Variants in PDE4D observed in about 807,000 individuals in gnomAD.
The protein encoded by PDE4D is phosphodiesterase 4D.
A neutral mutation model predicts 87.4 loss-of-function variants in PDE4D; 24 were observed. The observed-to-expected ratio is 0.27, with a 90% CI of 0.20 to 0.39. The LOEUF (loss-of-function observed/expected upper bound fraction) is 0.39, where lower values mean the gene tolerates loss of function less well. PDE4D is among the 10% of genes least tolerant of loss of function. The pLI is 1.00. For missense variants in PDE4D, 714 were observed against 1,041.0 expected, an observed-to-expected ratio of 0.69 and a Z score of 4.32; for synonymous variants, 384 against 383.2, an observed-to-expected ratio of 1.00 and a Z score of -0.02.
intron 5 of PDE4D, among the ~76,000 whole-genome samples, chr5:59,056,767 A>G (rs1762440372): frequency 6.6e-6 from 1 of 152,158 alleles, no homozygotes; most frequent in African/African-American, 2.4e-5. Context: ...CGTCCCTGCA[A>G]AGGACATAAA....
chr5:59,888,558 AT>A (rs1750497142), intron 1 of PDE4D, among the ~76,000 whole-genome samples: 1 of 152,172 alleles, frequency 6.6e-6, no homozygotes, highest in East Asian at 1.9e-4. Context: ...TTTTCCTTGC[AT>A]TTTTTGCTAT....
At chr5:60,353,945 C>T (rs1166903967) in intron 1 of PDE4D, among the ~76,000 whole-genome samples, 2 of 152,098 alleles carry the variant, frequency 1.3e-5, no homozygotes, top group Non-Finnish European at 2.9e-5. Flanking sequence ...CATATTTAAG[C>T]AGCTACTGCA....
At chr5:60,224,692 C>A (rs959610806) in intron 1 of PDE4D, among the ~76,000 whole-genome samples, 2 of 152,196 alleles carry the variant, frequency 1.3e-5, no homozygotes, top group Admixed American at 6.5e-5. Context: ...GTGAAAGCTG[C>A]AAAACTTCTT....
rs187105640 is a variant in PDE4D at position 59,296,919 on chromosome 5, G to A, written c.456-80951C>T. On this transcript the variant is annotated intron_variant, in intron 1 of 14. Transcript: ENST00000340635. ...ATGGAGTATTTTTCTCCTTAACTGAGTCATCCTGTGTCATTGTTAGGCACT... is the reference window on the plus strand; with the variant it reads ...ATGGAGTATTTTTCTCCTTAACTGAATCATCCTGTGTCATTGTTAGGCACT... 8.9e-4 allele frequency among the ~76,000 whole-genome samples: 136 copies of A among 152,266 alleles called. 1 individual carries two copies. The Middle Eastern group carries it at 0.017, about 19-fold the overall frequency.
intron 5 of PDE4D, among the ~76,000 whole-genome samples, chr5:59,142,870 T>G (rs949458123): frequency 9.2e-5 from 14 of 152,128 alleles, no homozygotes; most frequent in Non-Finnish European, 1.5e-4. Context: ...TGAGCCGAGA[T>G]CGTGCCACTG....
chr5:59,965,309 T>A (rs971036087), intron 3 of PDE4D, among the ~76,000 whole-genome samples: 12 of 152,274 alleles, frequency 7.9e-5, no homozygotes, highest in Non-Finnish European at 1.3e-4. Context: ...CTATATCTCA[T>A]CACTCCCCTT....
chr5:60,158,759 C>T (rs1170137850), intron 2 of PDE4D, among the ~76,000 whole-genome samples: 52 of 152,108 alleles, frequency 3.4e-4, no homozygotes, highest in African/African-American at 1.2e-3. Context: ...TTAGTAGAGA[C>T]GGGGTTTCAC....
At chr5:58,992,330 C>T (rs940653198) in intron 7 of PDE4D, among the ~76,000 whole-genome samples, 2 of 152,146 alleles carry the variant, frequency 1.3e-5, no homozygotes, top group African/African-American at 4.8e-5. Context: ...GTGGTTATTT[C>T]CACTGTTCAA....
chr5:59,356,315 A>T (rs1214752025), intron 1 of PDE4D, among the ~76,000 whole-genome samples: 1 of 152,218 alleles, frequency 6.6e-6, no homozygotes, highest in Non-Finnish European at 1.5e-5. Flanking sequence ...CTGCTGGGCA[A>T]GATGAACACT....
intron 1 of PDE4D, among the ~76,000 whole-genome samples, chr5:59,616,913 AATTACATATATATAT>A (rs1417798104): frequency 8.5e-6 from 1 of 117,992 alleles, no homozygotes; most frequent in Non-Finnish European, 1.7e-5. Context: ...TAGACCTAAT[AATTACATATATATAT>A]ATATATATAT....
intron 2 of PDE4D, among the ~76,000 whole-genome samples, chr5:60,094,292 AG>A (rs1775440774): frequency 6.6e-6 from 1 of 152,216 alleles, no homozygotes; most frequent in Admixed American, 6.5e-5. Flanking sequence ...ACAAAGTTGA[AG>A]GTAACCTAAA....
intron 1 of PDE4D, among the ~76,000 whole-genome samples, chr5:60,220,691 G>A (rs1301453607): frequency 6.6e-6 from 1 of 151,946 alleles, no homozygotes; most frequent in Non-Finnish European, 1.5e-5. Context: ...CCCCATCTTT[G>A]CCTTCAATTG....
chr5:59,552,644 GGATATT>G (rs1261210851), intron 1 of PDE4D, among the ~76,000 whole-genome samples: 2 of 152,052 alleles, frequency 1.3e-5, no homozygotes, highest in Non-Finnish European at 2.9e-5. Flanking sequence ...AACAACAAAT[GGATATT>G]AAGTTTTAGT....
intron 2 of PDE4D, among the ~76,000 whole-genome samples, chr5:60,128,125 T>C (rs1357843695): frequency 6.6e-6 from 1 of 152,184 alleles, no homozygotes; most frequent in Non-Finnish European, 1.5e-5. Context: ...CAATAAGGCA[T>C]ATTAAACTCC....
intron 1 of PDE4D, among the ~76,000 whole-genome samples, chr5:59,296,698 A>C (rs183186386): frequency 8.9e-4 from 136 of 152,240 alleles, no homozygotes; most frequent in Admixed American, 1.6e-3. Context: ...CTCTTGGACC[A>C]TGCTTCTTCA....
At chr5:59,839,042 G>C (rs1406821239) in intron 1 of PDE4D, among the ~76,000 whole-genome samples, 2 of 152,014 alleles carry the variant, frequency 1.3e-5, no homozygotes, top group South Asian at 2.1e-4. Context: ...TACCATATTG[G>C]GGAGGAGAGC....
At chr5:59,065,067 TACACACACACAC>T (rs10563874) in intron 5 of PDE4D, among the ~76,000 whole-genome samples, 9,459 of 89,262 alleles carry the variant, frequency 0.11, 1,182 homozygotes, top group African/African-American at 0.24. Context: ...GATATATATA[TACACACACACAC>T]ACACACACAC....
intron 1 of PDE4D, among the ~76,000 whole-genome samples, chr5:59,285,441 T>C (rs1402392773): frequency 1.3e-5 from 2 of 152,092 alleles, no homozygotes; most frequent in Non-Finnish European, 1.5e-5. Context: ...TTGTTTTTCA[T>C]AAGCCTCTAT....
intron 1 of PDE4D, among the ~76,000 whole-genome samples, chr5:60,382,677 G>A (rs1054151287): frequency 6.6e-6 from 1 of 152,082 alleles, no homozygotes; most frequent in South Asian, 2.1e-4. Context: ...ATGACCTCAG[G>A]TACTTCTTAC....
Sources: gnomAD v4.1 joint callset for allele counts (sites outside exome capture counted in the v4.1 genomes callset) on GRCh38, gnomAD v4.1.1 for gene constraint, MANE v1.5 for transcripts, NCBI Gene and HGNC (gene_info 2026-07-23, HGNC 2026-07-21) for gene names.